Variants in ZMYND8 observed in about 807,000 individuals in gnomAD.
ZMYND8 encodes MYND-type zinc finger-containing chromatin reader ZMYND8.
ZMYND8 carries 37 observed loss-of-function variants against 140.8 expected under a neutral mutation model. The ratio of observed to expected loss-of-function variants is 0.26; its 90% CI spans 0.20 to 0.35. The LOEUF is 0.35. ZMYND8 is among the 10% of genes least tolerant of loss of function. The pLI, the probability that ZMYND8 is intolerant of heterozygous loss-of-function variation, is 1.00. For missense variants in ZMYND8, 1,068 were observed against 1,570.0 expected (o/e 0.68, Z 5.40); for synonymous variants, 592 against 597.1 (o/e 0.99, Z 0.12).
At chr20:47,334,946 C>A (rs988824355) in intron 2 of ZMYND8, among the ~76,000 whole-genome samples, 1 of 151,520 alleles carries the variant, frequency 6.6e-6, no homozygotes, top group Non-Finnish European at 1.5e-5. Context: ...AAACTATTCA[C>A]TTTAAATGGA....
At chr20:47,342,472 G>A (rs1428900607) in intron 2 of ZMYND8, among the ~76,000 whole-genome samples, 2 of 150,928 alleles carry the variant, frequency 1.3e-5, no homozygotes, top group African/African-American at 4.9e-5. Flanking sequence ...GCTTGAACCA[G>A]GGAAGTGGAG....
intron 3 of ZMYND8, among the ~76,000 whole-genome samples, chr20:47,309,775 A>C (rs978210847): frequency 9.9e-5 from 15 of 152,086 alleles, no homozygotes; most frequent in African/African-American, 3.4e-4. Context: ...ATGAAAAAAA[A>C]AAAAATACAA....
chr20:47,327,470 A>T (rs1182836125), intron 2 of ZMYND8, among the ~76,000 whole-genome samples: 1 of 152,030 alleles, frequency 6.6e-6, no homozygotes, highest in African/African-American at 2.4e-5. Context: ...CCTGGCCAAC[A>T]TGATGAAACC....
intron 6 of ZMYND8, among the ~76,000 whole-genome samples, chr20:47,291,066 T>C (rs2077234479): frequency 6.6e-6 from 1 of 152,176 alleles, no homozygotes; most frequent in Non-Finnish European, 1.5e-5. Flanking sequence ...ACTTAATTAA[T>C]ATAAAGTCAG....
chr20:47,321,943 C>G (rs1324768146), intron 2 of ZMYND8, among the ~76,000 whole-genome samples: 1 of 149,756 alleles, frequency 6.7e-6, no homozygotes, highest in Non-Finnish European at 1.5e-5. Context: ...TCATTGCAAC[C>G]TCAGCCTCCC....
intron 2 of ZMYND8, among the ~76,000 whole-genome samples, chr20:47,344,956 A>C (rs1352969879): frequency 6.6e-6 from 1 of 152,082 alleles, no homozygotes; most frequent in Non-Finnish European, 1.5e-5. Flanking sequence ...CTACAAAAAA[A>C]AAATTTTTTT....
intron 12 of ZMYND8, among the ~76,000 whole-genome samples, chr20:47,250,644 G>A (rs1601262107): frequency 6.6e-6 from 1 of 152,204 alleles, no homozygotes; most frequent in Admixed American, 6.5e-5. Context: ...TGGAAGCACT[G>A]TTTAAAGCCA....
intron 3 of ZMYND8, among the ~76,000 whole-genome samples, chr20:47,302,633 T>C (rs1258911318): frequency 3.9e-5 from 6 of 152,090 alleles, no homozygotes; most frequent in Non-Finnish European, 5.9e-5. Context: ...GGTTACTTGG[T>C]TAAAGATATT....
In ZMYND8 at chr20:47,319,298, C is replaced by T. The variant is rs1344923389; in HGVS notation, c.86-9094G>A. 3.0e-5 allele frequency: 9 copies of T among 303,318 alleles called. No homozygotes were observed. The East Asian group carries it at 8.0e-4, about 27-fold the overall frequency. The allele number at this position is 303,318 out of a possible 1,614,324, so 18.8% of individuals were successfully genotyped here. A position where few individuals can be genotyped will look rare whatever the true frequency, so the allele number is the denominator to read the frequency against. On this transcript the variant is annotated intron_variant, in intron 2 of 22. Coordinates refer to ENST00000471951, the MANE Select transcript of ZMYND8 (RefSeq NM_001281775.3). The stretch of plus-strand genomic sequence containing the variant: ...GTCTCCGGTGCAGTGCACCGAAGAG[C>T]CATTGATTTCGTGGGATTGTGAATA...
At chr20:47,341,103 A>G (rs1407202583) in intron 2 of ZMYND8, among the ~76,000 whole-genome samples, 1 of 152,216 alleles carries the variant, frequency 6.6e-6, no homozygotes, top group Non-Finnish European at 1.5e-5. Flanking sequence ...ACCAGGGAAT[A>G]AGGCTAGAAT....
At chr20:47,291,690 T>G in intron 6 of ZMYND8, 106 bp downstream of exon 6, 1 of 741,180 alleles carries the variant, frequency 1.3e-6, no homozygotes, top group East Asian at 3.1e-5. Context: ...GAGAAACAAT[T>G]TAAGATTGTT....
chr20:47,305,260 T>A (rs1261211310), intron 3 of ZMYND8, among the ~76,000 whole-genome samples: 3 of 151,500 alleles, frequency 2.0e-5, no homozygotes, highest in Non-Finnish European at 4.4e-5. Context: ...TTTTTTCTTT[T>A]TTCTGAGACA....
chr20:47,241,294 CAA>C lies in ZMYND8; in HGVS notation c.2285-2158_2285-2157del, dbSNP rs11476591. Among the ~76,000 whole-genome samples, 383 of 62,028 alleles carry C rather than the reference CAA, an allele frequency of 6.2e-3. 1 individual carries two copies. Among genetic ancestry groups the C allele is most frequent in the African/African-American group, 0.016 (336 of 21,114 alleles). The allele number at this position is 62,028 out of a possible 152,430, so 40.7% of individuals were successfully genotyped here. A position where few individuals can be genotyped will look rare whatever the true frequency, so the allele number is the denominator to read the frequency against. The stretch of plus-strand genomic sequence containing the variant: ...TGGGTGACAGGGCGAGACTCCGTCT[CAA>C]AAAAAAAAAAAAAAAAAAGATTCTT... On this transcript the variant is annotated intron_variant, in intron 14 of 22. Coordinates refer to ENST00000471951, the MANE Select transcript of ZMYND8 (RefSeq NM_001281775.3).
chr20:47,320,363 C>T (rs890470658), intron 2 of ZMYND8: 2 of 152,342 alleles, frequency 1.3e-5, no homozygotes, highest in African/African-American at 4.8e-5. Context: ...TGTCACATTC[C>T]TTTGGGGAGC....
intron 1 of ZMYND8, chr20:47,353,208 C>T (rs2082942568): frequency 6.6e-6 from 1 of 152,220 alleles, no homozygotes. Flanking sequence ...TCTCCCCCCT[C>T]ATCCTATTTA....
chr20:47,323,856 C>A (rs1224668932), intron 2 of ZMYND8, among the ~76,000 whole-genome samples: 1 of 152,164 alleles, frequency 6.6e-6, no homozygotes, highest in East Asian at 1.9e-4. Context: ...CAACAGGTTA[C>A]TTCACCTCTC....
chr20:47,288,353 C>A (rs753159756), intron 7 of ZMYND8, among the ~76,000 whole-genome samples: 3 of 149,914 alleles, frequency 2.0e-5, no homozygotes, highest in Admixed American at 6.6e-5. Flanking sequence ...ATAGGCGGGG[C>A]CTTTCTATAT....
chr20:47,351,535 A>C (rs1379191980), intron 1 of ZMYND8, among the ~76,000 whole-genome samples: 1 of 152,214 alleles, frequency 6.6e-6, no homozygotes, highest in Non-Finnish European at 1.5e-5. Context: ...AAATACCAAA[A>C]TGGTCCAGGC....
At chr20:47,219,493 T>TACGC (rs2036621378) in intron 21 of ZMYND8, among the ~76,000 whole-genome samples, 1 of 148,142 alleles carries the variant, frequency 6.8e-6, no homozygotes, top group Admixed American at 6.8e-5. Flanking sequence ...ACTACTGCAC[T>TACGC]CCAGCCTGGG....
Sources: gnomAD v4.1 joint callset for allele counts (sites outside exome capture counted in the v4.1 genomes callset) on GRCh38, gnomAD v4.1.1 for gene constraint, MANE v1.5 for transcripts, NCBI Gene and HGNC (gene_info 2026-07-23, HGNC 2026-07-21) for gene names.